The following EYS variants were observed in gnomAD, a reference collection of about 807,000 sequenced individuals.
EYS encodes the protein protein eyes shut homolog.
In EYS, 250 loss-of-function variants were observed where a neutral mutation model predicts 282.1. The ratio of observed to expected loss-of-function variants is 0.89; its 90% confidence interval spans 0.80 to 0.98. The LOEUF is 0.98. Among genes scored for constraint, EYS ranks in the 50% least tolerant of loss-of-function variants. The pLI is 0.00. For synonymous variants in EYS, 1,355 were observed against 1,282.9 expected (o/e 1.06, Z -1.20); for missense variants, 4,016 against 3,709.0 (o/e 1.08, Z -2.15).
chr6:64,279,536 A>T (rs1768232152), intron 30 of EYS, among the ~76,000 whole-genome samples: 1 of 152,184 alleles, frequency 6.6e-6, no homozygotes, highest in Non-Finnish European at 1.5e-5. Context: ...CTTAGGAAAG[A>T]CAGCAGGGAC....
intron 22 of EYS, among the ~76,000 whole-genome samples, chr6:64,629,769 C>A (rs1309979886): frequency 2.0e-5 from 3 of 152,032 alleles, no homozygotes; most frequent in Admixed American, 2.0e-4. Flanking sequence ...GGTCCAAGAG[C>A]TTTTTTCAAA....
intron 35 of EYS, among the ~76,000 whole-genome samples, chr6:63,925,889 C>T (rs1262120313): frequency 6.6e-6 from 1 of 152,156 alleles, no homozygotes; most frequent in Non-Finnish European, 1.5e-5. Context: ...CGTGATCCGC[C>T]CACCTCGGCC....
chr6:65,128,566 C>A (rs1465681222), intron 12 of EYS, among the ~76,000 whole-genome samples: 1 of 151,926 alleles, frequency 6.6e-6, no homozygotes, highest in African/African-American at 2.4e-5. Context: ...GAATGCAATT[C>A]TATTTACATT....
intron 12 of EYS, among the ~76,000 whole-genome samples, chr6:65,063,245 A>G (rs1773632242): frequency 6.6e-6 from 1 of 152,040 alleles, no homozygotes; most frequent in Admixed American, 6.6e-5. Context: ...GGTTATTATT[A>G]ATGTAGAGGT....
intron 26 of EYS, among the ~76,000 whole-genome samples, chr6:64,522,884 A>G (rs750215406): frequency 6.6e-6 from 1 of 151,798 alleles, no homozygotes; most frequent in Non-Finnish European, 1.5e-5. Context: ...ACAGTTAAAG[A>G]TGAAAAGAAA....
At chr6:64,094,309 G>T (rs1358338041) in intron 31 of EYS, among the ~76,000 whole-genome samples, 1 of 151,968 alleles carries the variant, frequency 6.6e-6, no homozygotes, top group Non-Finnish European at 1.5e-5. Context: ...TCTATTAATT[G>T]GAATAGTTTC....
At position 64,221,610 on chromosome 6, in the gene EYS, G is replaced by T. The variant is rs561553182; in HGVS notation, c.6424+8982C>A. On this transcript the variant is annotated intron_variant, in intron 31 of 42. Coordinates refer to ENST00000503581, the MANE Select transcript of EYS (RefSeq NM_001142800.2). ...GTAGTTTTTCCTTATTTTCTGTTTT[G>T]CTTTCCTCAGTTTCAGTTACTCCAT... 6.6e-5 allele frequency among the ~76,000 whole-genome samples: 10 copies of T among 152,132 alleles called. No individual in the cohort carries two copies. In the South Asian group the frequency reaches 1.3e-3, roughly 19 times the overall value.
intron 22 of EYS, among the ~76,000 whole-genome samples, chr6:64,695,471 G>A (rs1473656630): frequency 2.0e-5 from 3 of 152,146 alleles, no homozygotes; most frequent in Middle Eastern, 3.4e-3. Flanking sequence ...TATTACAACT[G>A]GCATTTGAGG....
intron 41 of EYS, among the ~76,000 whole-genome samples, chr6:63,733,019 C>G (rs1364746171): frequency 6.6e-6 from 1 of 152,048 alleles, no homozygotes; most frequent in Non-Finnish European, 1.5e-5. Context: ...TGAATAAACA[C>G]CTCAAGGAGG....
intron 12 of EYS, among the ~76,000 whole-genome samples, chr6:65,254,071 A>C (rs1767396856): frequency 6.6e-6 from 1 of 151,876 alleles, no homozygotes; most frequent in African/African-American, 2.4e-5. Flanking sequence ...AAGGCTTGCT[A>C]AAAGAAGTCT....
chr6:63,743,682 T>C (rs1769139665), intron 41 of EYS, among the ~76,000 whole-genome samples: 2 of 152,164 alleles, frequency 1.3e-5, no homozygotes, highest in African/African-American at 2.4e-5. Context: ...AGATTCAGCA[T>C]AGGAAAGTAG....
At chr6:63,987,029 G>A (rs1054315627) in intron 34 of EYS, among the ~76,000 whole-genome samples, 6 of 151,688 alleles carry the variant, frequency 4.0e-5, no homozygotes, top group Admixed American at 1.3e-4. Context: ...AAATTAGGCT[G>A]TTGATCTACC....
intron 7 of EYS, among the ~76,000 whole-genome samples, chr6:65,386,929 T>A (rs574481751): frequency 2.2e-4 from 34 of 151,942 alleles, no homozygotes; most frequent in African/African-American, 7.7e-4. Flanking sequence ...AGGTGTCATT[T>A]TAGTGGTAAA....
chr6:65,650,519 T>C (rs1767616836), intron 1 of EYS, among the ~76,000 whole-genome samples: 1 of 152,228 alleles, frequency 6.6e-6, no homozygotes, highest in Non-Finnish European at 1.5e-5. Flanking sequence ...GCAATGGTTA[T>C]TTCAGAATAC....
At chr6:64,588,466 A>T (rs182927444) in intron 26 of EYS, among the ~76,000 whole-genome samples, 14 of 152,190 alleles carry the variant, frequency 9.2e-5, no homozygotes, top group Non-Finnish European at 1.9e-4. Context: ...AGAAGACAAC[A>T]GGAAAGGGGT....
At chr6:65,560,603 G>A (rs1475080569) in intron 2 of EYS, among the ~76,000 whole-genome samples, 2 of 151,472 alleles carry the variant, frequency 1.3e-5, no homozygotes, top group African/African-American at 4.8e-5. Context: ...ATGATGGCAT[G>A]CATCTCTGCC....
chr6:65,619,910 G>C (rs1766401496), intron 2 of EYS, among the ~76,000 whole-genome samples: 1 of 151,018 alleles, frequency 6.6e-6, no homozygotes, highest in Non-Finnish European at 1.5e-5. Flanking sequence ...AAGCCCACTT[G>C]ATCATGGTGG....
At chr6:63,852,351 C>T (rs1361001682) in intron 36 of EYS, among the ~76,000 whole-genome samples, 3 of 151,984 alleles carry the variant, frequency 2.0e-5, no homozygotes, top group African/African-American at 7.3e-5. Flanking sequence ...ACTATGAACA[C>T]CTCTATGCAA....
At chr6:64,997,467 C>A in intron 14 of EYS, 115 bp downstream of exon 14, 1 of 900,300 alleles carries the variant, frequency 1.1e-6, no homozygotes, top group South Asian at 2.6e-5. Context: ...GAGAAGTAAG[C>A]ATATGTAATA....
Sources: gnomAD v4.1 joint callset for allele counts (sites outside exome capture counted in the v4.1 genomes callset) on GRCh38, gnomAD v4.1.1 for gene constraint, MANE v1.5 for transcripts, NCBI Gene and HGNC (gene_info 2026-07-23, HGNC 2026-07-21) for gene names.